WNK3: variants seen among roughly 807,000 people sequenced by gnomAD.
The protein encoded by WNK3 is serine/threonine-protein kinase WNK3.
Under a neutral mutation model 116.7 loss-of-function variants are expected in WNK3, and 18 were observed. The ratio of observed to expected loss-of-function variants is 0.15; its 90% CI spans 0.11 to 0.23. The LOEUF is 0.23. Among genes scored for constraint, WNK3 ranks in the 10% least tolerant of loss-of-function variants. The probability of loss-of-function intolerance (pLI) is 1.00; values close to 1 mark genes in which losing one functional copy is unlikely to be tolerated. For synonymous variants in WNK3, 404 were observed against 469.4 expected, an observed-to-expected ratio of 0.86 and a Z score of 1.80; for missense variants, 993 against 1,323.8, an observed-to-expected ratio of 0.75 and a Z score of 3.88.
At chrX:54,242,033 CA>C (rs2068027959) in intron 17 of WNK3, among the ~76,000 whole-genome samples, 1 of 109,871 alleles carries the variant, frequency 9.1e-6, no homozygotes, top group African/African-American at 3.3e-5. Context: ...TCACAGTTGA[CA>C]TGCTCTTATA....
At chrX:54,337,508 G>A (rs1396063053) in intron 1 of WNK3, among the ~76,000 whole-genome samples, 2 of 107,962 alleles carry the variant, frequency 1.9e-5, no homozygotes, top group South Asian at 4.0e-4. Flanking sequence ...GCAGAGAGCC[G>A]AGATTGCGCC....
chrX:54,301,585 T>A (rs1445304278), intron 6 of WNK3, among the ~76,000 whole-genome samples, 186 bp downstream of exon 6: 1 of 110,847 alleles, frequency 9.0e-6, no homozygotes, highest in African/African-American at 3.3e-5. Context: ...TCAAGAAAAA[T>A]TCAGCACATG....
chrX:54,355,828 C>T (rs1354864227), intron 1 of WNK3, among the ~76,000 whole-genome samples: 1 of 111,543 alleles, frequency 9.0e-6, no homozygotes, highest in Non-Finnish European at 1.9e-5. Flanking sequence ...ACTGGGAGGC[C>T]GCCTTGCCTG....
At chrX:54,199,605 G>A (rs959338748) in intron 23 of WNK3, among the ~76,000 whole-genome samples, 15 of 111,854 alleles carry the variant, frequency 1.3e-4, no homozygotes, top group African/African-American at 4.2e-4. Flanking sequence ...AGGCCAAGGC[G>A]GGTGGATCAG....
intron 22 of WNK3, among the ~76,000 whole-genome samples, chrX:54,208,264 A>G (rs1360512345): frequency 9.1e-6 from 1 of 110,389 alleles, no homozygotes; most frequent in Non-Finnish European, 1.9e-5. Context: ...AGCTGGGACT[A>G]CAGGTGCCCG....
At chrX:54,201,009 T>C (rs181606378) in intron 23 of WNK3, among the ~76,000 whole-genome samples, 1 of 111,920 alleles carries the variant, frequency 8.9e-6, no homozygotes, top group East Asian at 2.8e-4. Flanking sequence ...TATATGACTA[T>C]ACATGTACAC....
intron 22 of WNK3, among the ~76,000 whole-genome samples, chrX:54,210,527 T>C (rs1206340096): frequency 1.8e-5 from 2 of 111,376 alleles, no homozygotes; most frequent in African/African-American, 3.3e-5. Flanking sequence ...CTTGGGAGGC[T>C]GAGGCAGGAG....
At chrX:54,345,278 A>ATATATG (rs2069404177) in intron 1 of WNK3, among the ~76,000 whole-genome samples, 1 of 78,830 alleles carries the variant, frequency 1.3e-5, no homozygotes, top group Non-Finnish European at 2.7e-5. Flanking sequence ...CAACAACTAT[A>ATATATG]TATATATGTA....
intron 10 of WNK3, among the ~76,000 whole-genome samples, chrX:54,274,138 C>A (rs2068414549): frequency 9.0e-6 from 1 of 111,423 alleles, no homozygotes; most frequent in African/African-American, 3.3e-5. Context: ...AAAAGAAGCA[C>A]CAAACTCAAC....
chrX:54,310,303 G>A (rs995313186), intron 3 of WNK3, among the ~76,000 whole-genome samples: 2 of 110,174 alleles, frequency 1.8e-5, no homozygotes, highest in Non-Finnish European at 3.8e-5. Context: ...CACTTTGGGA[G>A]GCTGAGGTGG....
At chrX:54,258,629 C>T (rs1789586679) in intron 11 of WNK3, among the ~76,000 whole-genome samples, 1 of 110,030 alleles carries the variant, frequency 9.1e-6, no homozygotes, top group Admixed American at 9.8e-5. Context: ...CCACTGCACC[C>T]GGCCTCTAAC....
rs2069499949 is a variant in WNK3, at chrX:54,350,417, A to C, written c.-120+7269T>G. 6.3e-5 allele frequency among the ~76,000 whole-genome samples: 7 copies of C among 110,883 alleles called. No homozygotes were observed. The South Asian group carries it at 2.7e-3, about 43-fold the overall frequency. Reference sequence around the variant, plus strand: ...AGAATGAGACTCTGTCTCAAAAAAAAAAAAAAGAAAAGTAAGTACAAGTGG... The same window carrying C: ...AGAATGAGACTCTGTCTCAAAAAAACAAAAAAGAAAAGTAAGTACAAGTGG... On this transcript the variant is annotated intron_variant, in intron 1 of 23. Transcript: ENST00000354646.
intron 5 of WNK3, among the ~76,000 whole-genome samples, chrX:54,303,642 G>C (rs1285766917): frequency 1.8e-5 from 2 of 111,004 alleles, no homozygotes; most frequent in Non-Finnish European, 3.8e-5. Context: ...TCTGAATTGT[G>C]ATATGGCATT....
At chrX:54,216,037 G>A (rs2067689778) in intron 22 of WNK3, among the ~76,000 whole-genome samples, 1 of 110,343 alleles carries the variant, frequency 9.1e-6, no homozygotes, top group South Asian at 3.9e-4. Context: ...AATGGATTAA[G>A]GGCGGTGCAA....
intron 2 of WNK3, among the ~76,000 whole-genome samples, chrX:54,318,088 G>A (rs2068983355): frequency 9.1e-6 from 1 of 110,351 alleles, no homozygotes; most frequent in Non-Finnish European, 1.9e-5. Context: ...GCTGGGCACA[G>A]TGGCTCACGC....
At chrX:54,313,220 T>G (rs1322008268) in intron 2 of WNK3, among the ~76,000 whole-genome samples, 2 of 111,606 alleles carry the variant, frequency 1.8e-5, no homozygotes, top group African/African-American at 6.5e-5. Context: ...AAGTACAAAA[T>G]CTCTCTGCTT....
intron 10 of WNK3, among the ~76,000 whole-genome samples, chrX:54,291,170 G>A (rs1233104300): frequency 1.8e-5 from 2 of 110,216 alleles, no homozygotes; most frequent in Admixed American, 9.7e-5. Flanking sequence ...AAAATTAGCC[G>A]GGCATGGTGG....
At chrX:54,286,904 C>T (rs2068587337) in intron 10 of WNK3, among the ~76,000 whole-genome samples, 1 of 105,485 alleles carries the variant, frequency 9.5e-6, no homozygotes, top group Non-Finnish European at 1.9e-5. Context: ...CAGAGCAAGA[C>T]CCCATCTCAA....
At chrX:54,288,625 C>G (rs782294913) in intron 10 of WNK3, among the ~76,000 whole-genome samples, 10 of 111,471 alleles carry the variant, frequency 9.0e-5, no homozygotes, top group Middle Eastern at 4.6e-3. Flanking sequence ...AGCTGTCCTT[C>G]CACTGCCCTC....
Sources: allele counts gnomAD v4.1 joint callset (sites outside exome capture counted in the v4.1 genomes callset), GRCh38; gene constraint gnomAD v4.1.1; transcripts MANE v1.5; gene names NCBI Gene and HGNC (gene_info 2026-07-23, HGNC 2026-07-21).